Variants in LIMCH1 observed in about 807,000 individuals in gnomAD.
LIMCH1 encodes LIM and calponin homology domains 1, also known as LIM and calponin homology domains-containing protein 1.
A neutral mutation model predicts 176.5 loss-of-function variants in LIMCH1; 113 were observed. The ratio of observed to expected loss-of-function variants is 0.64; its 90% CI spans 0.55 to 0.75. LIMCH1 has a LOEUF of 0.75. Among genes scored for constraint, LIMCH1 ranks in the 30% least tolerant of loss-of-function variants. The probability of loss-of-function intolerance (pLI) is 0.00; values close to 1 mark genes in which losing one functional copy is unlikely to be tolerated. For missense variants in LIMCH1, 1,674 were observed against 1,814.9 expected (o/e 0.92, Z 1.41); for synonymous variants, 619 against 645.9 (o/e 0.96, Z 0.63).
intron 20 of LIMCH1, among the ~76,000 whole-genome samples, chr4:41,664,414 C>T (rs1467997524): frequency 6.6e-6 from 1 of 152,184 alleles, no homozygotes; most frequent in East Asian, 1.9e-4. Flanking sequence ...GGTAGAGCCT[C>T]TAAAATGCCT....
At chr4:41,494,773 T>C (rs1470801133) in intron 2 of LIMCH1, among the ~76,000 whole-genome samples, 1 of 152,172 alleles carries the variant, frequency 6.6e-6, no homozygotes, top group Non-Finnish European at 1.5e-5. Context: ...GTGGGAGCCT[T>C]GGTGTGCCAG....
rs202129264 is a variant in LIMCH1, at chr4:41,361,143, G to A, written c.96+207G>A. Among the ~76,000 whole-genome samples, 65 of 152,286 alleles carry A rather than the reference G, an allele frequency of 4.3e-4. No homozygotes were observed. In the East Asian group the frequency reaches 0.012, roughly 29 times the overall value. ...ATCCCGGGCGAGGGTGGGCGTGAAA[G>A]GGGACACTGCAGTCTAGCTGCGCGC... On this transcript the variant is annotated intron_variant, in intron 1 of 26. Transcript: ENST00000313860.
At position 41,662,956 on chromosome 4, in the gene LIMCH1, GA is replaced by G; in HGVS notation, c.3266del (p.Lys1089ArgfsTer11). On this transcript the variant is annotated frameshift_variant, in exon 20 of 32. Transcript: ENST00000503057. LOFTEE classifies it high-confidence loss of function. ...DQKKPENEMSGKVELVLSQKV... is the reference protein window; with the variant it reads ...DQKKPENEMSXKVELVLSQKV... Reference sequence around the variant, plus strand: ...AAGAAACCAGAAAATGAAATGAGTGGAAAGGTGGAGTTGGTGCTGTCACAAA... The same window carrying G: ...AAGAAACCAGAAAATGAAATGAGTGGAAGGTGGAGTTGGTGCTGTCACAAA... 6.2e-7 allele frequency: 1 copy of G among 1,613,868 alleles called. No individual in the cohort carries two copies. The highest frequency in any genetic ancestry group is 1.1e-5 in the South Asian group (1 of 91,046).
intron 4 of LIMCH1, among the ~76,000 whole-genome samples, chr4:41,611,547 T>C (rs1402135974): frequency 2.0e-5 from 3 of 152,288 alleles, no homozygotes; most frequent in African/African-American, 7.2e-5. Flanking sequence ...GCTATACCGT[T>C]TGGGATTTGG....
At chr4:41,675,490 G>A (rs1380856021) in intron 22 of LIMCH1, among the ~76,000 whole-genome samples, 3 of 151,688 alleles carry the variant, frequency 2.0e-5, no homozygotes, top group Admixed American at 6.6e-5. Flanking sequence ...AGATTCCCAG[G>A]CAGTTGCTTC....
chr4:41,635,023 C>G (rs1277399328), intron 13 of LIMCH1, among the ~76,000 whole-genome samples: 4 of 152,116 alleles, frequency 2.6e-5, no homozygotes, highest in Non-Finnish European at 5.9e-5. Flanking sequence ...AGGCGCTCTC[C>G]CATTCATTTA....
chr4:41,490,532 C>T (rs575116481), intron 1 of LIMCH1, among the ~76,000 whole-genome samples: 4 of 152,304 alleles, frequency 2.6e-5, no homozygotes, highest in Admixed American at 2.0e-4. Flanking sequence ...ACATCTTGCA[C>T]TGCCCTTAAA....
chr4:41,659,608 G>A lies in LIMCH1; in HGVS notation c.3037-1812G>A, dbSNP rs899783138. 1.8e-4 allele frequency among the ~76,000 whole-genome samples: 27 copies of A among 152,120 alleles called. 1 individual carries two copies. In the Middle Eastern group the frequency reaches 0.01, roughly 57 times the overall value. ...AGAGACGAATAAATTCATAGTTCTC[G>A]AGAACCCATGGGGATATTTTATGAG... On this transcript the variant is annotated intron_variant, in intron 18 of 31. Coordinates refer to ENST00000503057, the MANE Select transcript of LIMCH1 (RefSeq NM_001330672.2).
At chr4:41,661,543 A>G (rs2094618865) in intron 19 of LIMCH1, 33 bp downstream of exon 19, 1 of 1,388,622 alleles carries the variant, frequency 7.2e-7, no homozygotes. Context: ...TTTAAGGCAA[A>G]TCATGGTAAC....
chr4:41,640,010 C>T (rs1282166447), intron 14 of LIMCH1, among the ~76,000 whole-genome samples: 2 of 152,194 alleles, frequency 1.3e-5, no homozygotes, highest in Non-Finnish European at 2.9e-5. Flanking sequence ...AATTAAGTGT[C>T]TTCAGATTGT....
At chr4:41,587,980 A>T (rs1313121140) in intron 1 of LIMCH1, among the ~76,000 whole-genome samples, 1 of 151,948 alleles carries the variant, frequency 6.6e-6, no homozygotes, top group Non-Finnish European at 1.5e-5. Flanking sequence ...ACATGTGCAC[A>T]ATGTGCAGGT....
chr4:41,500,429 C>T (rs2073063282), intron 2 of LIMCH1, among the ~76,000 whole-genome samples: 1 of 152,144 alleles, frequency 6.6e-6, no homozygotes, highest in African/African-American at 2.4e-5. Context: ...TTACATTACC[C>T]TTAATCGCTA....
At chr4:41,657,646 C>G (rs1004532708) in intron 18 of LIMCH1, among the ~76,000 whole-genome samples, 2 of 152,060 alleles carry the variant, frequency 1.3e-5, no homozygotes, top group African/African-American at 4.8e-5. Flanking sequence ...TTTTCTCTTA[C>G]TTTATCTGAA....
intron 23 of LIMCH1, 101 bp from the exon 24 acceptor site, chr4:41,679,903 AAG>A (rs1270362073): frequency 1.5e-6 from 1 of 664,818 alleles, no homozygotes; most frequent in Admixed American, 3.0e-5. Flanking sequence ...TAACAAGAAG[AAG>A]ATAATCTTGC....
rs1385656116 is a variant in LIMCH1, at chr4:41,501,886, T to TAA, written c.167+7287_167+7288dup. 4.8e-3 allele frequency among the ~76,000 whole-genome samples: 472 copies of TAA among 97,936 alleles called. 3 individuals carry two copies. Among genetic ancestry groups the TAA allele is most frequent in the Middle Eastern group, 0.011 (2 of 186 alleles). 64.2% of individuals were successfully genotyped at this position (97,936 alleles called of 152,430 possible). A position where few individuals can be genotyped will look rare whatever the true frequency, so the allele number is the denominator to read the frequency against. ...TTTTTTTTTTTTTTTTTTTTTTTTT[T>TAA]AAAAAAAACCTTCAATTTTTATTTT... is the stretch of plus-strand genomic sequence containing the variant. On this transcript the variant is annotated intron_variant, in intron 2 of 26. Transcript: ENST00000313860.
chr4:41,575,229 T>C (rs2084270607), intron 1 of LIMCH1, among the ~76,000 whole-genome samples: 1 of 152,248 alleles, frequency 6.6e-6, no homozygotes, highest in Non-Finnish European at 1.5e-5. Flanking sequence ...CGCTGATTTT[T>C]AAAGGCATTG....
At chr4:41,692,639 T>C in intron 31 of LIMCH1, 1 of 370,634 alleles carries the variant, frequency 2.7e-6, no homozygotes, top group Non-Finnish European at 5.0e-6. Flanking sequence ...TTGCCTGAGC[T>C]CACTACAGAG....
chr4:41,693,662 A>G (rs2153093404), intron 31 of LIMCH1, among the ~76,000 whole-genome samples: 1 of 151,928 alleles, frequency 6.6e-6, no homozygotes, highest in South Asian at 2.1e-4. Context: ...TTTTATTTAA[A>G]CTGGACTTTT....
In LIMCH1 at chr4:41,419,679, T is replaced by C. The variant is rs201419199; in HGVS notation, c.96+58743T>C. On this transcript the variant is annotated intron_variant, in intron 1 of 26. Coordinates refer to the LIMCH1 transcript ENST00000313860. ...TTCCTTCCTTCCTTCCTTCCTTCCT[T>C]CCTCCTTCCTTCCTTCCTTCCTTCC... 9.3e-3 allele frequency among the ~76,000 whole-genome samples: 434 copies of C among 46,798 alleles called. 16 individuals carry two copies. The highest frequency in any genetic ancestry group is 0.048 in the East Asian group (82 of 1,696). The allele number at this position is 46,798 out of a possible 152,430, so 30.7% of individuals were successfully genotyped here. A position where few individuals can be genotyped will look rare whatever the true frequency, so the allele number is the denominator to read the frequency against.
Sources: gnomAD v4.1 joint callset for allele counts (sites outside exome capture counted in the v4.1 genomes callset) on GRCh38, gnomAD v4.1.1 for gene constraint, MANE v1.5 for transcripts, NCBI Gene and HGNC (gene_info 2026-07-23, HGNC 2026-07-21) for gene names.